The following SPEF2 variants were observed in gnomAD, a reference collection of about 807,000 sequenced individuals.
SPEF2 encodes sperm flagellar and cilia associated 2, also known as sperm flagella and cilia-associated protein 2.
SPEF2 carries 187 observed loss-of-function variants against 224.6 expected under a neutral mutation model. The ratio of observed to expected loss-of-function variants is 0.83; its 90% CI spans 0.74 to 0.94. The LOEUF is 0.94. Ranked by LOEUF, SPEF2 falls within the 40% of genes least tolerant of loss-of-function variation. The probability of loss-of-function intolerance (pLI) is 0.00; values close to 1 mark genes in which losing one functional copy is unlikely to be tolerated. For missense variants in SPEF2, 2,170 were observed against 2,135.6 expected, an observed-to-expected ratio of 1.02 and a Z score of -0.32; for synonymous variants, 715 against 707.3, an observed-to-expected ratio of 1.01 and a Z score of -0.17.
rs891982527 is a variant in SPEF2 at position 35,759,569 on chromosome 5, C to T, written c.3470C>T (p.Ala1157Val). The change falls in exon 25 of 37, where the codon GCA (alanine) becomes GTA (valine). Residue 1157 changes from alanine (A) to valine (V), a missense_variant and splice_region_variant. Transcript: ENST00000356031. ...TAACATTCACATTTGCTATTAAAGGCAGAGCTGAACCGTTTCCAAGATACA... is the reference window on the plus strand; with the variant it reads ...TAACATTCACATTTGCTATTAAAGGTAGAGCTGAACCGTTTCCAAGATACA... Reference protein sequence around the residue: ...TMNHFFSLMQAELNRFQDTKR... With the variant: ...TMNHFFSLMQVELNRFQDTKR... 1 of 1,574,630 alleles carries T rather than the reference C, an allele frequency of 6.4e-7. No homozygotes were observed. Among genetic ancestry groups the T allele is most frequent in the Non-Finnish European group, 8.7e-7 (1 of 1,153,928 alleles).
chr5:35,737,710 C>G (rs983535533), intron 21 of SPEF2, among the ~76,000 whole-genome samples: 5 of 152,090 alleles, frequency 3.3e-5, no homozygotes, highest in Non-Finnish European at 5.9e-5. Context: ...ATGATTGATA[C>G]TCCTTTGGGT....
In SPEF2 at chr5:35,704,649, C is replaced by G; in HGVS notation, c.2494C>G (p.Gln832Glu). 6.2e-7 allele frequency: 1 copy of G among 1,600,966 alleles called. No individual in the cohort carries two copies. The highest frequency in any genetic ancestry group is 8.6e-7 in the Non-Finnish European group (1 of 1,168,942). ...GGATGGAGACCAAAATTTAAGAGAC[C>G]AGATACAACATAGGTTAGTTTTTAA... ...DKDGDQNLRD[Q>E]IQHRIIGFLD... The change falls in exon 17 of 37, where the codon CAG becomes GAG. Residue 832 changes from glutamine (Q) to glutamate (E), a missense_variant. Gln to Glu is a conservative substitution (Grantham distance 29). Transcript: ENST00000356031.
intron 31 of SPEF2, 90 bp downstream of exon 31, chr5:35,792,536 A>G: frequency 9.9e-7 from 1 of 1,010,828 alleles, no homozygotes; most frequent in Non-Finnish European, 1.5e-6. Context: ...GTACTTGCAT[A>G]GTGTCTGACA....
intron 1 of SPEF2, among the ~76,000 whole-genome samples, chr5:35,621,167 G>A (rs904750112): frequency 9.2e-5 from 14 of 152,274 alleles, no homozygotes; most frequent in Admixed American, 2.6e-4. Flanking sequence ...TTGAAATATC[G>A]TAAGCATATT....
At position 35,721,619 on chromosome 5, in the gene SPEF2, G is replaced by A. The variant is rs549484550; in HGVS notation, c.2915-6056G>A. ...TTTACTTCTTAAAGATTAAAGTCAC[G>A]TGAAGTGAAAGGTACCACAGCTTTT... is the stretch of plus-strand genomic sequence containing the variant. On this transcript the variant is annotated intron_variant, in intron 20 of 36. Coordinates refer to ENST00000356031, the MANE Select transcript of SPEF2 (RefSeq NM_024867.4). Among the ~76,000 whole-genome samples, 8 of 152,282 alleles carry A rather than the reference G, an allele frequency of 5.3e-5. No homozygotes were observed. The South Asian group carries it at 6.2e-4, about 12-fold the overall frequency.
chr5:35,808,153 A>AT (rs1758292765), intron 36 of SPEF2: 1 of 985,374 alleles, frequency 1.0e-6, no homozygotes, highest in Non-Finnish European at 1.2e-6. Flanking sequence ...GTGTGCCTAA[A>AT]CGTTTTTGTT....
intron 36 of SPEF2, among the ~76,000 whole-genome samples, chr5:35,811,768 T>A (rs901579804): frequency 8.9e-4 from 35 of 39,220 alleles, no homozygotes; most frequent in Non-Finnish European, 1.2e-3. Flanking sequence ...TTGCCATTAC[T>A]TTTTTTTTTT....
At position 35,654,702 on chromosome 5, in the gene SPEF2, G is replaced by C. The variant is rs760809511; in HGVS notation, c.954G>C (p.Gln318His). The C allele has an allele frequency of 1.2e-6, 2 of 1,608,042 alleles. No individual in the cohort carries two copies. Among genetic ancestry groups the C allele is most frequent in the Non-Finnish European group, 1.7e-6 (2 of 1,178,798 alleles). ...GACGGCGGAAATTGTTAATGGACCAGTTAATAGCCCACGAAGCACAAGAGG... is the reference window on the plus strand; with the variant it reads ...GACGGCGGAAATTGTTAATGGACCACTTAATAGCCCACGAAGCACAAGAGG... Reference protein sequence around the residue: ...EKRRRKLLMDQLIAHEAQEEA... With the variant: ...EKRRRKLLMDHLIAHEAQEEA... The change falls in exon 7 of 37, where the codon CAG becomes CAC. Residue 318 changes from glutamine (Q) to histidine (H), a missense_variant. Transcript: ENST00000356031.
rs775432048 is a variant in SPEF2 at position 35,617,954 on chromosome 5, G to A, written c.-44G>A. ...CGGGCTGGCAGGCTTGGTTCCTGGCGAGTTTCTAAGCCCCCGCCTGCGGTC... is the reference window on the plus strand; with the variant it reads ...CGGGCTGGCAGGCTTGGTTCCTGGCAAGTTTCTAAGCCCCCGCCTGCGGTC... On this transcript the variant is annotated 5_prime_UTR_variant, in exon 1 of 37. Transcript: ENST00000356031. 5.8e-6 allele frequency: 9 copies of A among 1,551,840 alleles called. No homozygotes were observed. The highest frequency in any genetic ancestry group is 2.7e-5 in the African/African-American group (2 of 73,176).
intron 6 of SPEF2, among the ~76,000 whole-genome samples, chr5:35,650,034 A>T (rs1182989543): frequency 6.6e-6 from 1 of 152,228 alleles, no homozygotes; most frequent in East Asian, 1.9e-4. Context: ...TTATATTTTT[A>T]AATGGAAATG....
rs182193900 is a variant in SPEF2, at chr5:35,751,346, G to A, written c.3331-2278G>A. On this transcript the variant is annotated intron_variant, in intron 23 of 36. Coordinates refer to ENST00000356031, the MANE Select transcript of SPEF2 (RefSeq NM_024867.4). ...AGTGGGAGGGGGGTGAAGGATAAAA[G>A]ACTCCAAATATGGTGCAGTGTATAC... Among the ~76,000 whole-genome samples the A allele has an allele frequency of 5.5e-3, 825 of 150,340 alleles. 2 individuals are homozygous for A. Among genetic ancestry groups the A allele is most frequent in the Non-Finnish European group, 9.8e-3 (663 of 67,682 alleles).
intron 34 of SPEF2, among the ~76,000 whole-genome samples, chr5:35,804,341 G>C (rs985017038): frequency 1.3e-5 from 2 of 152,210 alleles, no homozygotes; most frequent in African/African-American, 4.8e-5. Flanking sequence ...CCCCTGCTTA[G>C]ATAATAATGT....
At chr5:35,807,017 C>T in intron 35 of SPEF2, 65 bp downstream of exon 35, 4 of 1,559,746 alleles carry the variant, frequency 2.6e-6, no homozygotes, top group South Asian at 1.2e-5. Context: ...GAATTGCTCT[C>T]AAAATATATC....
At chr5:35,676,580 T>A (rs931196214) in intron 10 of SPEF2, among the ~76,000 whole-genome samples, 8 of 152,090 alleles carry the variant, frequency 5.3e-5, no homozygotes, top group South Asian at 4.2e-4. Flanking sequence ...AATACAAAAA[T>A]TAGCTAGGCA....
At chr5:35,650,349 A>C (rs1748004822) in intron 6 of SPEF2, among the ~76,000 whole-genome samples, 1 of 152,134 alleles carries the variant, frequency 6.6e-6, no homozygotes, top group Non-Finnish European at 1.5e-5. Flanking sequence ...CCCATTTATC[A>C]GTGTTGATCC....
chr5:35,789,938 C>T, intron 30 of SPEF2: 1 of 702,664 alleles, frequency 1.4e-6, no homozygotes, highest in South Asian at 1.5e-5. Context: ...AGCAAGAAAG[C>T]AAGCTGAGGA....
At chr5:35,690,191 AC>A (rs1313163112) in intron 10 of SPEF2, among the ~76,000 whole-genome samples, 2 of 152,224 alleles carry the variant, frequency 1.3e-5, no homozygotes, top group East Asian at 3.9e-4. Flanking sequence ...GTGATATTAA[AC>A]ATTTATCTTT....
chr5:35,739,138 G>T (rs1443014291), intron 21 of SPEF2, among the ~76,000 whole-genome samples: 1 of 152,112 alleles, frequency 6.6e-6, no homozygotes, highest in East Asian at 1.9e-4. Flanking sequence ...CAAAATTCAT[G>T]CATAGTTTTT....
At position 35,751,039 on chromosome 5, in the gene SPEF2, A is replaced by G. The variant is rs529664193; in HGVS notation, c.3331-2585A>G. On this transcript the variant is annotated intron_variant, in intron 23 of 36. Transcript: ENST00000356031. ...TATATATATACGTATATATATACAC[A>G]TATGTATATATATATACGTATATAT... Among the ~76,000 whole-genome samples the G allele has an allele frequency of 2.2e-3, 70 of 31,572 alleles. 2 individuals carry two copies. The highest frequency in any genetic ancestry group is 5.5e-3 in the African/African-American group (63 of 11,368). The allele number at this position is 31,572 out of a possible 152,430, so 20.7% of individuals were successfully genotyped here. A position where few individuals can be genotyped will look rare whatever the true frequency, so the allele number is the denominator to read the frequency against.
Sources: allele counts gnomAD v4.1 joint callset (sites outside exome capture counted in the v4.1 genomes callset), GRCh38; gene constraint gnomAD v4.1.1; transcripts MANE v1.5; gene names NCBI Gene and HGNC (gene_info 2026-07-23, HGNC 2026-07-21).